The following MAN2A1 variants were observed in gnomAD, a reference collection of about 807,000 sequenced individuals.
MAN2A1 encodes mannosidase alpha class 2A member 1.
MAN2A1 carries 76 observed loss-of-function variants against 142.6 expected under a neutral mutation model. The observed-to-expected ratio is 0.53, with a 90% CI of 0.44 to 0.65. MAN2A1 has a LOEUF of 0.65. Ranked by LOEUF, MAN2A1 falls within the 30% of genes least tolerant of loss-of-function variation. The pLI is 0.00. For synonymous variants in MAN2A1, 559 were observed against 473.2 expected, an observed-to-expected ratio of 1.18 and a Z score of -2.35; for missense variants, 1,311 against 1,365.1, an observed-to-expected ratio of 0.96 and a Z score of 0.62.
intron 1 of MAN2A1, among the ~76,000 whole-genome samples, chr5:109,700,137 C>T (rs1482104583): frequency 3.9e-5 from 6 of 152,030 alleles, no homozygotes; most frequent in Non-Finnish European, 5.9e-5. Flanking sequence ...ATTCCTTTCC[C>T]TTTTTGTTAG....
chr5:109,766,795 T>C (rs1248659189), intron 5 of MAN2A1, among the ~76,000 whole-genome samples: 1 of 152,216 alleles, frequency 6.6e-6, no homozygotes, highest in Non-Finnish European at 1.5e-5. Context: ...ATTTTTATAA[T>C]GCTAGATGAA....
chr5:109,865,989 C>T (rs1486878804), intron 21 of MAN2A1, among the ~76,000 whole-genome samples: 1 of 152,100 alleles, frequency 6.6e-6, no homozygotes, highest in Non-Finnish European at 1.5e-5. Flanking sequence ...AGACCAGACT[C>T]AAGTGATTCA....
intron 11 of MAN2A1, 66 bp downstream of exon 11, chr5:109,789,114 G>C: frequency 1.3e-6 from 1 of 783,816 alleles, no homozygotes; most frequent in Non-Finnish European, 2.1e-6. Flanking sequence ...TTAGCAAAGA[G>C]GATGAGAAGC....
chr5:109,808,308 A>G (rs1754225812), intron 12 of MAN2A1, among the ~76,000 whole-genome samples: 1 of 152,212 alleles, frequency 6.6e-6, no homozygotes. Flanking sequence ...AATAGTGTTT[A>G]CATCCAAAGC....
intron 21 of MAN2A1, 69 bp from the exon 22 acceptor site, chr5:109,866,777 G>A (rs1157729736): frequency 9.8e-7 from 1 of 1,015,366 alleles, no homozygotes; most frequent in Non-Finnish European, 1.5e-6. Context: ...AATTTTCACA[G>A]AATATGTAGT....
In MAN2A1 at chr5:109,868,785, C is replaced by T. The variant is rs1755941246; in HGVS notation, c.*1787C>T. ...AGAAAAAGGACTTCCTTTTTGTGGA[C>T]ATCTACAGATGTTAGGGTTGCCAGA... On this transcript the variant is annotated 3_prime_UTR_variant, in exon 22 of 22. Transcript: ENST00000261483. 6.6e-6 allele frequency: 1 copy of T among 152,108 alleles called. No individual in the cohort carries two copies. The highest frequency in any genetic ancestry group is 2.4e-5 in the African/African-American group (1 of 41,418). 9.4% of individuals were successfully genotyped at this position (152,108 alleles called of 1,614,324 possible). A position where few individuals can be genotyped will look rare whatever the true frequency, so the allele number is the denominator to read the frequency against.
intron 12 of MAN2A1, among the ~76,000 whole-genome samples, chr5:109,796,216 C>A (rs990163504): frequency 5.9e-5 from 9 of 152,102 alleles, no homozygotes; most frequent in African/African-American, 2.2e-4. Flanking sequence ...CTCAGATTTT[C>A]TTAACATTTT....
At chr5:109,711,907 G>A (rs1751311983) in intron 1 of MAN2A1, among the ~76,000 whole-genome samples, 1 of 64,202 alleles carries the variant, frequency 1.6e-5, no homozygotes, top group South Asian at 3.6e-4. Context: ...GTTTTAATGT[G>A]TAGAGGGGCT....
intron 5 of MAN2A1, among the ~76,000 whole-genome samples, chr5:109,764,599 T>C (rs760851296): frequency 2.8e-4 from 42 of 152,194 alleles, no homozygotes; most frequent in Non-Finnish European, 5.7e-4. Flanking sequence ...TTAAAAAATA[T>C]AGTTTACACT....
rs776356374 is a variant in MAN2A1, at chr5:109,781,513, G to A, written c.1492G>A (p.Asp498Asn). 1 of 1,612,928 alleles carries A rather than the reference G, an allele frequency of 6.2e-7. No individual in the cohort carries two copies. Among genetic ancestry groups the A allele is most frequent in the Admixed American group, 1.7e-5 (1 of 59,794 alleles). Residue 498 changes from aspartate (D) to asparagine (N), a missense_variant, in exon 9 of 22, where the codon GAT becomes AAT. By Grantham distance (23) the Asp-to-Asn change is conservative. Transcript: ENST00000261483. ...VLSGDFFTYA[D>N]RDDHYWSGYF... ...AAGTGGAGATTTTTTCACTTATGCC[G>A]ATCGAGATGATCATTACTGGAGTGG... is the stretch of plus-strand genomic sequence containing the variant.
intron 7 of MAN2A1, 79 bp downstream of exon 7, chr5:109,770,620 A>G (rs1753120608): frequency 5.4e-6 from 7 of 1,294,252 alleles, no homozygotes; most frequent in Non-Finnish European, 6.5e-6. Flanking sequence ...GGGTTGAACA[A>G]ATGGGCTTTA....
At chr5:109,734,245 T>G (rs538348769) in intron 4 of MAN2A1, among the ~76,000 whole-genome samples, 72 of 151,992 alleles carry the variant, frequency 4.7e-4, no homozygotes, top group South Asian at 2.3e-3. Flanking sequence ...TATTTGATTC[T>G]TCTCTCTTTT....
chr5:109,852,015 A>G (rs1456028609), intron 19 of MAN2A1, among the ~76,000 whole-genome samples: 1 of 151,964 alleles, frequency 6.6e-6, no homozygotes, highest in East Asian at 1.9e-4. Context: ...TGTTTCCACA[A>G]TAGGACTGAA....
chr5:109,768,235 GGA>G (rs59059641), intron 6 of MAN2A1, among the ~76,000 whole-genome samples: 52,396 of 151,908 alleles, frequency 0.34, 10,193 homozygotes, highest in African/African-American at 0.54. Flanking sequence ...CTCTTTATTA[GGA>G]GAGAGGAGAA....
chr5:109,807,396 A>C (rs1458757221), intron 12 of MAN2A1, among the ~76,000 whole-genome samples: 1 of 152,230 alleles, frequency 6.6e-6, no homozygotes, highest in East Asian at 1.9e-4. Context: ...TAAAAAATAC[A>C]CACAAATTTA....
chr5:109,766,785 A>C (rs1275652827), intron 5 of MAN2A1, among the ~76,000 whole-genome samples: 1 of 152,202 alleles, frequency 6.6e-6, no homozygotes, highest in Non-Finnish European at 1.5e-5. Context: ...AAAACATCAG[A>C]TTTTTATAAT....
At chr5:109,720,888 A>T (rs151087531) in intron 3 of MAN2A1, among the ~76,000 whole-genome samples, 61 of 152,286 alleles carry the variant, frequency 4.0e-4, no homozygotes, top group African/African-American at 1.4e-3. Context: ...TTGTACGTGA[A>T]CACTGTTTGG....
At chr5:109,771,512 T>C (rs1313400160) in intron 7 of MAN2A1, among the ~76,000 whole-genome samples, 1 of 152,176 alleles carries the variant, frequency 6.6e-6, no homozygotes, top group Non-Finnish European at 1.5e-5. Context: ...GGAGCCCTTC[T>C]ATCAAAATGT....
chr5:109,837,013 C>G (rs1350618040), intron 16 of MAN2A1, among the ~76,000 whole-genome samples: 1 of 151,068 alleles, frequency 6.6e-6, no homozygotes, highest in East Asian at 1.9e-4. Flanking sequence ...TCATTTGTGA[C>G]ACAGCATTCC....
Sources: allele counts gnomAD v4.1 joint callset (sites outside exome capture counted in the v4.1 genomes callset), GRCh38; gene constraint gnomAD v4.1.1; transcripts MANE v1.5; gene names NCBI Gene and HGNC (gene_info 2026-07-23, HGNC 2026-07-21).